Variants in RPA1 observed in about 807,000 individuals in gnomAD.
RPA1 encodes replication protein A1, also known as replication protein A 70 kDa DNA-binding subunit.
A neutral mutation model predicts 83.0 loss-of-function variants in RPA1; 49 were observed. The observed-to-expected ratio is 0.59, with a 90% confidence interval of 0.47 to 0.75. The LOEUF is 0.75. Ranked by LOEUF, RPA1 falls within the 30% of genes least tolerant of loss-of-function variation. The pLI, the probability that RPA1 is intolerant of heterozygous loss-of-function variation, is 0.00. For missense variants in RPA1, 693 were observed against 776.1 expected, an observed-to-expected ratio of 0.89 and a Z score of 1.27; for synonymous variants, 279 against 281.8, an observed-to-expected ratio of 0.99 and a Z score of 0.10.
intron 4 of RPA1, among the ~76,000 whole-genome samples, chr17:1,850,866 T>C (rs1280006805): frequency 1.3e-5 from 2 of 152,108 alleles, no homozygotes; most frequent in Admixed American, 1.3e-4. Flanking sequence ...CGCTCCAGCC[T>C]GGGTGACAGA....
intron 13 of RPA1, among the ~76,000 whole-genome samples, chr17:1,886,128 C>T (rs910608569): frequency 7.0e-6 from 1 of 142,854 alleles, no homozygotes; most frequent in African/African-American, 2.5e-5. Context: ...ATATTAATCT[C>T]CTCGTACTGT....
chr17:1,846,222 C>G (rs1912249740), intron 4 of RPA1, among the ~76,000 whole-genome samples: 1 of 151,528 alleles, frequency 6.6e-6, no homozygotes, highest in Non-Finnish European at 1.5e-5. Context: ...TGGCTTTACC[C>G]TCAGAATTTT....
At chr17:1,831,367 A>C (rs1293451244) in intron 1 of RPA1, among the ~76,000 whole-genome samples, 1 of 152,010 alleles carries the variant, frequency 6.6e-6, no homozygotes, top group Non-Finnish European at 1.5e-5. Flanking sequence ...TCACGAAGTG[A>C]AGTGTATTTT....
intron 5 of RPA1, chr17:1,858,244 A>G (rs1254326855): frequency 7.0e-5 from 113 of 1,613,582 alleles, no homozygotes; most frequent in Non-Finnish European, 8.6e-5. Flanking sequence ...GGACTTCACA[A>G]GTTCCAAATA....
At chr17:1,875,092 T>A (rs1323732334) in intron 6 of RPA1, among the ~76,000 whole-genome samples, 1 of 152,234 alleles carries the variant, frequency 6.6e-6, no homozygotes, top group Non-Finnish European at 1.5e-5. Flanking sequence ...TTAACATATC[T>A]TGACCAAAAA....
chr17:1,887,880 G>A (rs1166918026), intron 13 of RPA1, among the ~76,000 whole-genome samples: 3 of 152,130 alleles, frequency 2.0e-5, no homozygotes, highest in Non-Finnish European at 4.4e-5. Context: ...GCGACAGAGC[G>A]AGACTCTGTC....
intron 5 of RPA1, among the ~76,000 whole-genome samples, chr17:1,861,163 C>CCAGG (rs1168812107): frequency 1.3e-5 from 2 of 152,158 alleles, no homozygotes; most frequent in East Asian, 3.9e-4. Context: ...TGCTGACTAC[C>CCAGG]CAGGAAACCT....
At chr17:1,857,333 C>T (rs1471658870) in intron 5 of RPA1, among the ~76,000 whole-genome samples, 1 of 147,856 alleles carries the variant, frequency 6.8e-6, no homozygotes, top group Non-Finnish European at 1.5e-5. Context: ...TACATTACTT[C>T]GATGAGAAAG....
rs867341966 is a variant in RPA1, at chr17:1,888,777, C to T, written c.1477C>T (p.Gln493Ter). Residue 493 changes from glutamine (Q) to a stop codon, truncating the protein, a stop_gained, in exon 14 of 17, where the codon CAA becomes TAA. Transcript: ENST00000254719. LOFTEE classifies it high-confidence loss of function. ...TQDCNKKVID[Q>*]QNGLYRCEKC... ...GGACTGCAATAAGAAAGTGATTGAT[C>T]AACAGAATGGATTGTACCGCTGTGA... The T allele has an allele frequency of 6.2e-7, 1 of 1,614,202 alleles. No individual in the cohort carries two copies. Among genetic ancestry groups the T allele is most frequent in the Non-Finnish European group, 8.5e-7 (1 of 1,180,046 alleles).
chr17:1,849,386 G>A (rs1463445024), intron 4 of RPA1, among the ~76,000 whole-genome samples: 2 of 143,666 alleles, frequency 1.4e-5, no homozygotes, highest in African/African-American at 2.7e-5. Context: ...TCCGCCTCCC[G>A]GGTTCACGCC....
chr17:1,897,730 A>G lies in RPA1; in HGVS notation c.*555A>G, dbSNP rs905625692. On this transcript the variant is annotated 3_prime_UTR_variant, in exon 17 of 17. Coordinates refer to ENST00000254719, the MANE Select transcript of RPA1 (RefSeq NM_002945.5). Reference sequence around the variant, plus strand: ...GGCAATAGGGTAGAATGATTAATCAAAGGCATATCTTCTATATCTGAAGAG... The same window carrying G: ...GGCAATAGGGTAGAATGATTAATCAGAGGCATATCTTCTATATCTGAAGAG... The G allele has an allele frequency of 2.6e-5, 4 of 155,900 alleles. No homozygotes were observed. Among genetic ancestry groups the G allele is most frequent in the African/African-American group, 9.6e-5 (4 of 41,460 alleles). 9.7% of individuals were successfully genotyped at this position (155,900 alleles called of 1,614,324 possible).
intron 16 of RPA1, 51 bp from the exon 17 acceptor site, chr17:1,897,020 T>A (rs559065310): frequency 2.0e-6 from 3 of 1,485,334 alleles, no homozygotes; most frequent in African/African-American, 1.4e-5. Context: ...GGGGTTTCAC[T>A]GCTCCACACC....
intron 4 of RPA1, among the ~76,000 whole-genome samples, chr17:1,846,575 C>A (rs547679233): frequency 1.3e-5 from 2 of 152,170 alleles, no homozygotes; most frequent in African/African-American, 4.8e-5. Flanking sequence ...CTGCCTCAGC[C>A]TCCCAAAGTG....
chr17:1,830,344 C>T (rs1167281339), intron 1 of RPA1, among the ~76,000 whole-genome samples: 2 of 152,204 alleles, frequency 1.3e-5, no homozygotes, highest in East Asian at 3.8e-4. Flanking sequence ...CACATTTTTC[C>T]TACGTAAGAA....
At chr17:1,890,732 G>A (rs528044491) in intron 14 of RPA1, among the ~76,000 whole-genome samples, 6 of 152,268 alleles carry the variant, frequency 3.9e-5, no homozygotes, top group East Asian at 3.9e-4. Context: ...ACAGTTCTAC[G>A]TTTAGGCTCA....
At chr17:1,879,094 C>A (rs1188596501) in intron 9 of RPA1, 33 bp downstream of exon 9, 2 of 1,613,466 alleles carry the variant, frequency 1.2e-6, no homozygotes, top group South Asian at 2.2e-5. Flanking sequence ...ACTGACACCG[C>A]CTGGGGGTGG....
intron 5 of RPA1, among the ~76,000 whole-genome samples, chr17:1,862,412 A>C (rs1913014852): frequency 6.7e-6 from 1 of 149,030 alleles, no homozygotes; most frequent in African/African-American, 2.5e-5. Context: ...GATTAGCTCA[A>C]TATTTATTTA....
In RPA1 at chr17:1,897,358, G is replaced by A; in HGVS notation, c.*183G>A. Reference sequence around the variant, plus strand: ...GGTAGGCAAAGGAAAATACGCTCAGGTGGTTGTGGTGTAGACTGTGTCAGG... The same window carrying A: ...GGTAGGCAAAGGAAAATACGCTCAGATGGTTGTGGTGTAGACTGTGTCAGG... On this transcript the variant is annotated 3_prime_UTR_variant, in exon 17 of 17. Coordinates refer to ENST00000254719, the MANE Select transcript of RPA1 (RefSeq NM_002945.5). 1.7e-6 allele frequency: 1 copy of A among 573,144 alleles called. No individual in the cohort carries two copies. Among genetic ancestry groups the A allele is most frequent in the Non-Finnish European group, 3.1e-6 (1 of 323,088 alleles). The allele number at this position is 573,144 out of a possible 1,614,324, so 35.5% of individuals were successfully genotyped here.
rs759747102 is a variant in RPA1 at position 1,844,653 on chromosome 17, A to G, written c.239A>G (p.His80Arg). The G allele has an allele frequency of 1.2e-6, 2 of 1,613,742 alleles. No homozygotes were observed. Among genetic ancestry groups the G allele is most frequent in the Non-Finnish European group, 1.7e-6 (2 of 1,179,856 alleles). ...TCCAGCAACTGTGTATGCCAGATTC[A>G]CAGATTTATTGTGAACACTCTGAAA... is the stretch of plus-strand genomic sequence containing the variant. ...QLSSNCVCQIHRFIVNTLKDG... is the reference protein window; with the variant it reads ...QLSSNCVCQIRRFIVNTLKDG... The change falls in exon 4 of 17, where the codon CAC becomes CGC. Residue 80 changes from histidine (H) to arginine (R), a missense_variant. Physicochemically the swap from His to Arg is conservative, Grantham distance 29. Transcript: ENST00000254719.
Sources: allele counts gnomAD v4.1 joint callset (sites outside exome capture counted in the v4.1 genomes callset), GRCh38; gene constraint gnomAD v4.1.1; transcripts MANE v1.5; gene names NCBI Gene and HGNC (gene_info 2026-07-23, HGNC 2026-07-21).